PDE8B: variants seen among roughly 807,000 people sequenced by gnomAD.
The protein encoded by PDE8B is high affinity cAMP-specific and IBMX-insensitive 3',5'-cyclic phosphodiesterase 8B.
PDE8B carries 26 observed loss-of-function variants against 101.3 expected under a neutral mutation model. The ratio of observed to expected loss-of-function variants is 0.26; its 90% CI spans 0.19 to 0.36. PDE8B has a LOEUF of 0.36. Among genes scored for constraint, PDE8B ranks in the 10% least tolerant of loss-of-function variants. The pLI is 1.00. For synonymous variants in PDE8B, 424 were observed against 429.3 expected, an observed-to-expected ratio of 0.99 and a Z score of 0.15; for missense variants, 810 against 1,163.1, an observed-to-expected ratio of 0.70 and a Z score of 4.42.
chr5:77,354,633 T>C (rs572417646), intron 10 of PDE8B, among the ~76,000 whole-genome samples: 1 of 152,306 alleles, frequency 6.6e-6, no homozygotes, highest in Admixed American at 6.5e-5. Flanking sequence ...ATTTCTTGGC[T>C]GTGGATCCAC....
intron 1 of PDE8B, among the ~76,000 whole-genome samples, chr5:77,233,920 G>C (rs1754160360): frequency 1.3e-5 from 2 of 151,714 alleles, no homozygotes; most frequent in Non-Finnish European, 2.9e-5. Flanking sequence ...GCCCAAATCT[G>C]TTTTCATGCT....
the PDE8B span, among the ~76,000 whole-genome samples, chr5:77,115,917 G>A: frequency 6.6e-6 from 1 of 152,150 alleles, no homozygotes; most frequent in Non-Finnish European, 1.5e-5. Context: ...TTTCATTCAA[G>A]AAGGTTTATG....
At chr5:77,331,835 A>G (rs1321596884) in intron 5 of PDE8B, among the ~76,000 whole-genome samples, 1 of 152,228 alleles carries the variant, frequency 6.6e-6, no homozygotes, top group Non-Finnish European at 1.5e-5. Context: ...TTGGCACCCA[A>G]GATTCTGTTC....
intron 4 of PDE8B, among the ~76,000 whole-genome samples, chr5:77,330,510 A>C (rs1331438527): frequency 1.3e-5 from 2 of 152,198 alleles, no homozygotes; most frequent in Middle Eastern, 3.2e-3. Flanking sequence ...TGGCCTTCCT[A>C]ACAGTCAGAG....
At chr5:77,210,621 G>C, upstream of PDE8B, 1 of 982,342 alleles carries the variant, frequency 1.0e-6, no homozygotes, top group Non-Finnish European at 1.2e-6. This position sits in a 1 kb window ranked among gnomAD's most constrained non-coding sequence, Gnocchi z 4.9. Flanking sequence ...GAGGCGCGGG[G>C]AGCGTGTTTG....
rs777514976 is a variant in PDE8B, at chr5:77,413,183, C to G, written c.1785C>G (p.Thr595=). ...GTGAATTTTTAAACTGTTCTGAAACCACTCTTCGGGCCTGGTTCCAAGTGA... is the reference window on the plus strand; with the variant it reads ...GTGAATTTTTAAACTGTTCTGAAACGACTCTTCGGGCCTGGTTCCAAGTGA... ...GVCEFLNCSE[T]TLRAWFQVIE... Residue 595 remains threonine, a synonymous_variant, in exon 17 of 22, where the codon ACC becomes ACG. Coordinates refer to ENST00000264917, the MANE Select transcript of PDE8B (RefSeq NM_003719.5). 2.5e-6 allele frequency: 4 copies of G among 1,613,778 alleles called. No individual in the cohort carries two copies. Among genetic ancestry groups the G allele is most frequent in the Non-Finnish European group, 3.4e-6 (4 of 1,179,888 alleles).
chr5:77,116,291 G>A, the PDE8B span, among the ~76,000 whole-genome samples: 1 of 140,286 alleles, frequency 7.1e-6, no homozygotes, highest in Non-Finnish European at 1.5e-5. Flanking sequence ...GAGTGCAGTG[G>A]CACAATCTCG....
intron 2 of PDE8B, 49 bp from the exon 3 acceptor site, chr5:77,325,490 C>G (rs761648177): frequency 1.9e-6 from 3 of 1,552,626 alleles, no homozygotes; most frequent in Non-Finnish European, 2.7e-6. Context: ...TTTTAATAGT[C>G]TCTATGGATG....
the PDE8B span, among the ~76,000 whole-genome samples, chr5:77,119,942 C>T: frequency 1.4e-4 from 21 of 152,000 alleles, no homozygotes; most frequent in Non-Finnish European, 2.6e-4. Context: ...CCCAGGAGTT[C>T]AAGGCTGCAG....
the PDE8B span, among the ~76,000 whole-genome samples, chr5:77,204,410 C>CAAAAAA: frequency 1.1e-3 from 113 of 106,164 alleles, no homozygotes; most frequent in Middle Eastern, 5.7e-3. Flanking sequence ...GACTCTGTCT[C>CAAAAAA]AAAAAAAAAA....
At chr5:77,233,083 C>CT (rs1223786659) in intron 1 of PDE8B, among the ~76,000 whole-genome samples, 2 of 151,902 alleles carry the variant, frequency 1.3e-5, no homozygotes, top group African/African-American at 4.8e-5. Flanking sequence ...TGGCTTAGTG[C>CT]TGTGGGCTTT....
At chr5:77,398,726 C>G (rs906567610) in intron 10 of PDE8B, among the ~76,000 whole-genome samples, 15 of 152,228 alleles carry the variant, frequency 9.9e-5, no homozygotes, top group Non-Finnish European at 1.9e-4. Flanking sequence ...TGATGGTTGG[C>G]ACTCAGTTCA....
At chr5:77,395,728 C>G (rs1479136410) in intron 10 of PDE8B, among the ~76,000 whole-genome samples, 1 of 150,640 alleles carries the variant, frequency 6.6e-6, no homozygotes, top group Non-Finnish European at 1.5e-5. Context: ...TCCCTCCTAC[C>G]CCACCCCCAC....
At chr5:77,242,261 A>G (rs764089797) in intron 1 of PDE8B, among the ~76,000 whole-genome samples, 2 of 152,164 alleles carry the variant, frequency 1.3e-5, no homozygotes, top group African/African-American at 2.4e-5. Context: ...AGTGCTCTCC[A>G]AGAGACCTCC....
chr5:77,320,423 C>T (rs564219150), intron 2 of PDE8B, among the ~76,000 whole-genome samples: 4 of 152,274 alleles, frequency 2.6e-5, no homozygotes, highest in South Asian at 4.1e-4. Context: ...TGCATCTTCT[C>T]CTCTTTTGCT....
chr5:77,288,243 C>T (rs1230349649), intron 1 of PDE8B, among the ~76,000 whole-genome samples: 1 of 152,188 alleles, frequency 6.6e-6, no homozygotes, highest in Non-Finnish European at 1.5e-5. Context: ...AAGGTCCTCA[C>T]TCTCTGATGG....
chr5:77,355,437 C>T (rs11747913), intron 10 of PDE8B, among the ~76,000 whole-genome samples: 28,412 of 152,148 alleles, frequency 0.19, 3,314 homozygotes, highest in Middle Eastern at 0.32. Context: ...GGGGAGGGCA[C>T]CTGTCTGCAG....
At chr5:77,199,535 C>T in the PDE8B span, among the ~76,000 whole-genome samples, 1 of 152,094 alleles carries the variant, frequency 6.6e-6, no homozygotes, top group Admixed American at 6.6e-5. Context: ...GATCAGATCC[C>T]CCGTTATGAA....
chr5:77,267,941 A>AT (rs1182896919), intron 1 of PDE8B, among the ~76,000 whole-genome samples: 1 of 152,234 alleles, frequency 6.6e-6, no homozygotes, highest in Non-Finnish European at 1.5e-5. Flanking sequence ...TCTGAAGCAC[A>AT]TACCAATGAA....
Sources: gnomAD v4.1 joint callset for allele counts (sites outside exome capture counted in the v4.1 genomes callset) on GRCh38, gnomAD v4.1.1 for gene constraint, Gnocchi (gnomAD v3.1) non-coding constraint, MANE v1.5 for transcripts, NCBI Gene and HGNC (gene_info 2026-07-23, HGNC 2026-07-21) for gene names.